The following SHOC2 variants were observed in gnomAD, a reference collection of about 807,000 sequenced individuals.
The protein encoded by SHOC2 is SHOC2 leucine rich repeat scaffold protein.
A neutral mutation model predicts 50.2 loss-of-function variants in SHOC2; 4 were observed. That is an observed-to-expected ratio of 0.08 (90% CI 0.04 to 0.18). SHOC2 has a LOEUF of 0.18. Ranked by LOEUF, SHOC2 falls within the 10% of genes least tolerant of loss-of-function variation. The pLI, the probability that SHOC2 is intolerant of heterozygous loss-of-function variation, is 1.00. For missense variants in SHOC2, 388 were observed against 669.6 expected (o/e 0.58, Z 4.64); for synonymous variants, 218 against 244.5 (o/e 0.89, Z 1.01).
At chr10:110,986,774 T>C (rs1165151734) in intron 3 of SHOC2, among the ~76,000 whole-genome samples, 1 of 152,176 alleles carries the variant, frequency 6.6e-6, no homozygotes, top group Non-Finnish European at 1.5e-5. Flanking sequence ...CCGTGCTTGG[T>C]CCAGTCATGA....
intron 1 of SHOC2, among the ~76,000 whole-genome samples, chr10:110,960,017 A>G (rs1186306014): frequency 1.3e-5 from 2 of 152,242 alleles, no homozygotes; most frequent in African/African-American, 4.8e-5. Flanking sequence ...CCAAATTACT[A>G]AATTTGAATA....
chr10:110,996,629 G>C (rs1459787050), intron 3 of SHOC2, among the ~76,000 whole-genome samples: 2 of 152,014 alleles, frequency 1.3e-5, no homozygotes, highest in Non-Finnish European at 2.9e-5. Context: ...ACTTGGAAGG[G>C]ATGAAACTGA....
chr10:110,975,913 TTC>T (rs945969220), intron 2 of SHOC2, among the ~76,000 whole-genome samples: 12 of 149,034 alleles, frequency 8.1e-5, no homozygotes, highest in African/African-American at 2.5e-4. Context: ...TCTTCTCTTC[TTC>T]TTTTTTTTTT....
chr10:110,920,960 T>G lies in SHOC2; in HGVS notation c.-235+1303T>G, dbSNP rs114540825. On this transcript the variant is annotated intron_variant, in intron 1 of 8. Transcript: ENST00000369452. Reference sequence around the variant, plus strand: ...TATATCAAAAGCTTTTTGTTACGGTTTTCAGAATCCTAAGGTACATTTGTG... The same window carrying G: ...TATATCAAAAGCTTTTTGTTACGGTGTTCAGAATCCTAAGGTACATTTGTG... Among the ~76,000 whole-genome samples the G allele has an allele frequency of 4.8e-3, 724 of 152,338 alleles. 6 individuals are homozygous for G. The highest frequency in any genetic ancestry group is 0.017 in the African/African-American group (686 of 41,568).
chr10:110,928,331 GC>G (rs1259957814), intron 1 of SHOC2, among the ~76,000 whole-genome samples: 1 of 151,926 alleles, frequency 6.6e-6, no homozygotes, highest in East Asian at 1.9e-4. Context: ...AGACTGTTGT[GC>G]AACCCCGTCA....
At chr10:110,934,048 A>C (rs1846947280) in intron 1 of SHOC2, among the ~76,000 whole-genome samples, 1 of 152,226 alleles carries the variant, frequency 6.6e-6, no homozygotes. Flanking sequence ...TGTAGATTTA[A>C]ATAATATATC....
At chr10:110,987,044 T>C (rs1848091819) in intron 3 of SHOC2, among the ~76,000 whole-genome samples, 1 of 152,174 alleles carries the variant, frequency 6.6e-6, no homozygotes, top group South Asian at 2.1e-4. Flanking sequence ...GGTTGATGAC[T>C]AGAGTCCCCA....
chr10:110,921,995 T>G (rs888953237), intron 1 of SHOC2, among the ~76,000 whole-genome samples: 1 of 152,108 alleles, frequency 6.6e-6, no homozygotes, highest in African/African-American at 2.4e-5. Context: ...TAAACTACCG[T>G]ATTCAGAAAG....
chr10:110,961,801 T>C (rs568253710), intron 1 of SHOC2, among the ~76,000 whole-genome samples: 2 of 152,304 alleles, frequency 1.3e-5, no homozygotes, highest in African/African-American at 4.8e-5. Flanking sequence ...TATATTTTCA[T>C]TAATACAGTT....
At chr10:110,958,459 G>T (rs747882476) in intron 1 of SHOC2, among the ~76,000 whole-genome samples, 1 of 152,068 alleles carries the variant, frequency 6.6e-6, no homozygotes, top group East Asian at 1.9e-4. Flanking sequence ...TGATCCGTCT[G>T]CCTCAGCCTC....
At chr10:110,923,139 G>C (rs1846687877) in intron 1 of SHOC2, among the ~76,000 whole-genome samples, 1 of 151,902 alleles carries the variant, frequency 6.6e-6, no homozygotes, top group Non-Finnish European at 1.5e-5. Context: ...CTGCATCAAA[G>C]TTGTGCCCTG....
chr10:110,975,187 G>C (rs575513116), intron 2 of SHOC2, among the ~76,000 whole-genome samples: 2 of 147,236 alleles, frequency 1.4e-5, no homozygotes, highest in South Asian at 4.2e-4. Flanking sequence ...ATGGAGTCTC[G>C]CTCTGTCGCC....
intron 2 of SHOC2, among the ~76,000 whole-genome samples, chr10:110,979,605 C>G (rs545728588): frequency 1.3e-5 from 2 of 152,164 alleles, no homozygotes; most frequent in Non-Finnish European, 2.9e-5. Flanking sequence ...ATTATCAACA[C>G]GACTTCACCA....
At position 110,964,661 on chromosome 10, in the gene SHOC2, T is replaced by C. The variant is rs750568201; in HGVS notation, c.303T>C (p.Asn101=). Residue 101 remains asparagine, a synonymous_variant, in exon 2 of 9, where the codon AAT becomes AAC. Coordinates refer to ENST00000369452, the MANE Select transcript of SHOC2 (RefSeq NM_007373.4). The surrounding 1 kb of genome is among the most constrained non-coding windows in gnomAD (Gnocchi z 4.9). ...AGCTCAACAAATGCCGGGAAGAGAA[T>C]TCAATGCGTTTGGACTTATCCAAGA... ...IKELNKCREE[N]SMRLDLSKRS... is the part of the protein sequence containing the mutation. 1.2e-5 allele frequency: 19 copies of C among 1,613,932 alleles called. No homozygotes were observed. In the Admixed American group the frequency reaches 3.2e-4, roughly 27 times the overall value.
At chr10:110,990,214 C>T (rs1447828041) in intron 3 of SHOC2, among the ~76,000 whole-genome samples, 1 of 152,266 alleles carries the variant, frequency 6.6e-6, no homozygotes, top group African/African-American at 2.4e-5. Context: ...TAGGTGAAGC[C>T]AGCTGGGCTC....
intron 8 of SHOC2, 28 bp from the exon 9 acceptor site, chr10:111,011,580 TAA>T: frequency 6.5e-7 from 1 of 1,532,764 alleles, no homozygotes; most frequent in Non-Finnish European, 9.0e-7. Flanking sequence ...AACTAATTTT[TAA>T]AAAAAAATTG....
chr10:110,936,361 C>G (rs1271521423), intron 1 of SHOC2, among the ~76,000 whole-genome samples: 1 of 151,886 alleles, frequency 6.6e-6, no homozygotes, highest in Non-Finnish European at 1.5e-5. Flanking sequence ...CCTTGGCCTC[C>G]CAAAGTGCTG....
At chr10:111,002,859 C>G (rs1366009225) in intron 4 of SHOC2, among the ~76,000 whole-genome samples, 1 of 152,046 alleles carries the variant, frequency 6.6e-6, no homozygotes, top group East Asian at 1.9e-4. Context: ...CTTCTTGTTG[C>G]CCCTTCTCAA....
chr10:110,926,007 A>C (rs370988824), intron 1 of SHOC2, among the ~76,000 whole-genome samples: 4 of 152,344 alleles, frequency 2.6e-5, no homozygotes, highest in South Asian at 2.1e-4. Flanking sequence ...AACTAAAACT[A>C]TCTGGTGTCA....
Sources: gnomAD v4.1 joint callset for allele counts (sites outside exome capture counted in the v4.1 genomes callset) on GRCh38, gnomAD v4.1.1 for gene constraint, Gnocchi (gnomAD v3.1) non-coding constraint, MANE v1.5 for transcripts, NCBI Gene and HGNC (gene_info 2026-07-23, HGNC 2026-07-21) for gene names.